MERTK: variants seen among roughly 807,000 people sequenced by gnomAD.
MERTK encodes MER proto-oncogene, tyrosine kinase.
Under a neutral mutation model 99.3 loss-of-function variants are expected in MERTK, and 69 were observed. The observed-to-expected ratio is 0.70, with a 90% CI of 0.57 to 0.85. MERTK has a LOEUF of 0.85. Ranked by LOEUF, MERTK falls within the 40% of genes least tolerant of loss-of-function variation. MERTK has a pLI of 0.00. For synonymous variants in MERTK, 426 were observed against 467.6 expected, an observed-to-expected ratio of 0.91 and a Z score of 1.15; for missense variants, 1,125 against 1,249.4, an observed-to-expected ratio of 0.90 and a Z score of 1.50.
chr2:111,993,054 T>C (rs921505876), intron 8 of MERTK, among the ~76,000 whole-genome samples: 1 of 152,134 alleles, frequency 6.6e-6, no homozygotes, highest in Admixed American at 6.5e-5. Context: ...TGCTGTGGAA[T>C]TGACTGATTG....
At chr2:111,961,875 C>A (rs530394962) in intron 4 of MERTK, among the ~76,000 whole-genome samples, 1 of 152,352 alleles carries the variant, frequency 6.6e-6, no homozygotes, top group Admixed American at 6.5e-5. Context: ...GCAGCCGGGG[C>A]GCAGTCGTGG....
rs949245994 is a variant in MERTK, at chr2:112,029,379, A to G, written c.*515A>G. 1 of 933,202 alleles carries G rather than the reference A, an allele frequency of 1.1e-6. No homozygotes were observed. Among genetic ancestry groups the G allele is most frequent in the South Asian group, 4.9e-5 (1 of 20,204 alleles). 57.8% of individuals were successfully genotyped at this position (933,202 alleles called of 1,614,324 possible). On this transcript the variant is annotated 3_prime_UTR_variant, in exon 19 of 19. Coordinates refer to ENST00000295408, the MANE Select transcript of MERTK (RefSeq NM_006343.3). Reference sequence around the variant, plus strand: ...ATATGAATAAGGAAGGATATGTTGAACTTACTTGAGACTTGAAAGACAGTG... The same window carrying G: ...ATATGAATAAGGAAGGATATGTTGAGCTTACTTGAGACTTGAAAGACAGTG...
intron 1 of MERTK, among the ~76,000 whole-genome samples, chr2:111,910,273 GT>G (rs55791941): frequency 6.9e-5 from 10 of 144,842 alleles, no homozygotes; most frequent in Admixed American, 1.4e-4. Flanking sequence ...TCTGTTTTTT[GT>G]TTTTTTTTTT....
At chr2:111,951,522 C>CCTATATATATATATATAT (rs1685053964) in intron 4 of MERTK, among the ~76,000 whole-genome samples, 1 of 85,870 alleles carries the variant, frequency 1.2e-5, no homozygotes, top group Non-Finnish European at 2.5e-5. Flanking sequence ...ATAATATTCC[C>CCTATATATATATATATAT]ATATATATAT....
chr2:111,909,799 T>C (rs1684206529), intron 1 of MERTK, among the ~76,000 whole-genome samples: 1 of 152,116 alleles, frequency 6.6e-6, no homozygotes. Flanking sequence ...CTGCATCTCA[T>C]TATTGGGCAT....
chr2:112,017,632 CAA>C (rs35461094), intron 15 of MERTK, among the ~76,000 whole-genome samples: 19 of 146,112 alleles, frequency 1.3e-4, no homozygotes, highest in South Asian at 2.1e-4. Flanking sequence ...GACTTCGTCT[CAA>C]AAAAAAAAAA....
rs1676864800 is a variant in MERTK at position 112,001,306 on chromosome 2, C to T, written c.1690+20C>T. On this transcript the variant is annotated intron_variant, in intron 11 of 18. Transcript: ENST00000295408. ...TTACCTGTAAGTTGACTTTCATTTCCCTTTTTGGCAAAAGTTAAAATAGTT... is the reference window on the plus strand; with the variant it reads ...TTACCTGTAAGTTGACTTTCATTTCTCTTTTTGGCAAAAGTTAAAATAGTT... The T allele has an allele frequency of 1.3e-6, 2 of 1,585,872 alleles. No individual in the cohort carries two copies. Among genetic ancestry groups the T allele is most frequent in the African/African-American group, 1.3e-5 (1 of 74,210 alleles).
chr2:111,939,538 G>A (rs1388076943), intron 2 of MERTK, among the ~76,000 whole-genome samples: 2 of 151,800 alleles, frequency 1.3e-5, no homozygotes, highest in Non-Finnish European at 2.9e-5. Context: ...CTGCAGTGCA[G>A]TGTGCGATCA....
At chr2:112,017,573 T>C (rs572978430) in intron 15 of MERTK, among the ~76,000 whole-genome samples, 2 of 151,756 alleles carry the variant, frequency 1.3e-5, no homozygotes, top group East Asian at 3.9e-4. Flanking sequence ...GAGTTTGCAG[T>C]GAGCTCAGAT....
chr2:111,915,357 CT>C (rs532045305), intron 1 of MERTK, among the ~76,000 whole-genome samples: 7 of 148,334 alleles, frequency 4.7e-5, no homozygotes, highest in East Asian at 4.0e-4. Flanking sequence ...TTCTGTATTG[CT>C]TTTTTTTTCA....
At chr2:111,977,278 T>A (rs10207237) in intron 7 of MERTK, among the ~76,000 whole-genome samples, 10,708 of 152,228 alleles carry the variant, frequency 0.07, 486 homozygotes, top group African/African-American at 0.13. Flanking sequence ...CTTATTTTTA[T>A]TTTTAGCCTT....
intron 4 of MERTK, among the ~76,000 whole-genome samples, chr2:111,962,082 C>G (rs1402423206): frequency 1.3e-5 from 2 of 152,160 alleles, no homozygotes; most frequent in Non-Finnish European, 2.9e-5. Context: ...TGCCAAGAAG[C>G]AAATGGTGGC....
chr2:111,964,043 CTT>C (rs56693776), intron 4 of MERTK, among the ~76,000 whole-genome samples: 7 of 103,828 alleles, frequency 6.7e-5, no homozygotes, highest in East Asian at 2.3e-4. Flanking sequence ...AATTTTCTTT[CTT>C]TTTTTTTTTT....
At chr2:112,007,280 A>G (rs567960720) in intron 13 of MERTK, among the ~76,000 whole-genome samples, 1 of 152,208 alleles carries the variant, frequency 6.6e-6, no homozygotes, top group East Asian at 1.9e-4. Flanking sequence ...TCAGCCTCAC[A>G]AGTAGCTGGA....
intron 8 of MERTK, 34 bp from the exon 9 acceptor site, chr2:111,994,217 T>C (rs1483347440): frequency 1.2e-6 from 2 of 1,612,468 alleles, no homozygotes; most frequent in Non-Finnish European, 1.7e-6. Context: ...CAGACCTCAG[T>C]GTTTTCATTT....
rs181558419 is a variant in MERTK, at chr2:111,954,303, C to G, written c.757+6736C>G. Among the ~76,000 whole-genome samples the G allele has an allele frequency of 2.2e-4, 34 of 152,302 alleles. No individual in the cohort carries two copies. In the South Asian group the frequency reaches 4.6e-3, roughly 20 times the overall value. ...AGCTGCCTTCTCATTGTCTGGCAAA[C>G]CCCTGTTCACTTGACACACAGATCA... On this transcript the variant is annotated intron_variant, in intron 4 of 18. Coordinates refer to ENST00000295408, the MANE Select transcript of MERTK (RefSeq NM_006343.3).
Position 111,898,742 on chromosome 2 carries a change from C to T in MERTK, c.7C>T (p.Pro3Ser), listed in dbSNP as rs952265047. The T allele has an allele frequency of 6.2e-7, 1 of 1,606,464 alleles. No individual in the cohort carries two copies. Among genetic ancestry groups the T allele is most frequent in the Non-Finnish European group, 8.5e-7 (1 of 1,177,104 alleles). The change falls in exon 1 of 19, where the codon CCG (proline) becomes TCG (serine). Residue 3 changes from proline to serine, a missense_variant. By Grantham distance (74) the Pro-to-Ser change is moderately conservative (BLOSUM62 -1). Coordinates refer to ENST00000295408, the MANE Select transcript of MERTK (RefSeq NM_006343.3). ...ACAGATCCGCAGCCCCGGGATGGGG[C>T]CGGCCCCGCTGCCGCTGCTGCTGGG... Reference protein sequence around the residue: MGPAPLPLLLGLF... With the variant: MGSAPLPLLLGLF...
In MERTK at chr2:111,982,994, G is replaced by A. The variant is rs774577413; in HGVS notation, c.1296+1G>A. On this transcript the variant is annotated splice_donor_variant, in intron 8 of 18. Transcript: ENST00000295408. LOFTEE classifies it high-confidence loss of function. ...CGTGTGGCAGAGTGCAGGGATTTCC[G>A]TAAGTCTAAACCCTAGAAGAGCACG... 26 of 1,612,544 alleles carry A rather than the reference G, an allele frequency of 1.6e-5. No individual in the cohort carries two copies. The highest frequency in any genetic ancestry group is 6.7e-5 in the East Asian group (3 of 44,876).
chr2:111,955,735 T>C (rs1685135523), intron 4 of MERTK, among the ~76,000 whole-genome samples: 2 of 152,196 alleles, frequency 1.3e-5, no homozygotes, highest in South Asian at 4.1e-4. Context: ...TGCAACTTCT[T>C]GTAAGTCTAA....
Sources: allele counts gnomAD v4.1 joint callset (sites outside exome capture counted in the v4.1 genomes callset), GRCh38; gene constraint gnomAD v4.1.1; transcripts MANE v1.5; gene names NCBI Gene and HGNC (gene_info 2026-07-23, HGNC 2026-07-21).